SLC4A10: variants seen among roughly 807,000 people sequenced by gnomAD.
The protein encoded by SLC4A10 is sodium-driven chloride bicarbonate exchanger.
In SLC4A10, 42 loss-of-function variants were observed where a neutral mutation model predicts 137.7. That is an observed-to-expected ratio of 0.30 (90% confidence interval 0.24 to 0.39). The LOEUF is 0.39. SLC4A10 is among the 10% of genes least tolerant of loss of function. The pLI is 1.00. For missense variants in SLC4A10, 925 were observed against 1,355.0 expected, an observed-to-expected ratio of 0.68 and a Z score of 4.98; for synonymous variants, 474 against 464.1, an observed-to-expected ratio of 1.02 and a Z score of -0.27.
chr2:161,948,541 A>G (rs756621378), intron 17 of SLC4A10, among the ~76,000 whole-genome samples: 3 of 152,138 alleles, frequency 2.0e-5, no homozygotes, highest in Non-Finnish European at 2.9e-5. Context: ...CTTAAAATAA[A>G]CTAGATCTGG....
chr2:161,977,099 A>G (rs1699506146), intron 25 of SLC4A10, among the ~76,000 whole-genome samples: 1 of 152,058 alleles, frequency 6.6e-6, no homozygotes, highest in Admixed American at 6.6e-5. Context: ...ACAATGCATG[A>G]CATTTTTGGA....
chr2:161,745,923 A>G (rs933575414), intron 1 of SLC4A10, among the ~76,000 whole-genome samples: 1 of 152,090 alleles, frequency 6.6e-6, no homozygotes, highest in Non-Finnish European at 1.5e-5. Flanking sequence ...CTTTCCCACA[A>G]ACAAATGGAG....
At chr2:161,693,098 C>T (rs1221894326) in intron 1 of SLC4A10, among the ~76,000 whole-genome samples, 6 of 151,948 alleles carry the variant, frequency 3.9e-5, no homozygotes, top group East Asian at 1.9e-4. Flanking sequence ...AAGGCAAGTT[C>T]GAGTGTATCA....
chr2:161,660,510 A>T (rs934549075), intron 1 of SLC4A10, among the ~76,000 whole-genome samples: 2 of 152,196 alleles, frequency 1.3e-5, no homozygotes, highest in African/African-American at 4.8e-5. Flanking sequence ...CTTTTGGATG[A>T]AAAGTAAGAA....
Position 161,976,983 on chromosome 2 carries a change from A to G in SLC4A10, c.3344+107A>G, listed in dbSNP as rs1699485014. ...TTTCCATCAAATTTAGATATAAAAT[A>G]TTCCAGAAAATTCTTTCCAAAAGTG... is the stretch of plus-strand genomic sequence containing the variant. On this transcript the variant is annotated intron_variant, in intron 25 of 26. Transcript: ENST00000446997. 24 of 593,904 alleles carry G rather than the reference A, an allele frequency of 4.0e-5. 1 individual carries two copies. The South Asian group carries it at 8.0e-4, about 20-fold the overall frequency. The allele number at this position is 593,904 out of a possible 1,614,324, so 36.8% of individuals were successfully genotyped here. A position where few individuals can be genotyped will look rare whatever the true frequency, so the allele number is the denominator to read the frequency against.
intron 3 of SLC4A10, among the ~76,000 whole-genome samples, chr2:161,835,713 C>T (rs1292439690): frequency 6.6e-6 from 1 of 152,154 alleles, no homozygotes; most frequent in East Asian, 1.9e-4. Context: ...GATAGGATTG[C>T]CCTCAGCTAC....
intron 1 of SLC4A10, among the ~76,000 whole-genome samples, chr2:161,688,561 T>C (rs1487144819): frequency 6.6e-6 from 1 of 152,178 alleles, no homozygotes; most frequent in Non-Finnish European, 1.5e-5. Context: ...TCATAATCAA[T>C]ACTATATTTT....
chr2:161,886,009 G>A (rs755640768), intron 10 of SLC4A10, among the ~76,000 whole-genome samples: 2 of 151,960 alleles, frequency 1.3e-5, no homozygotes, highest in African/African-American at 2.4e-5. Flanking sequence ...TGAGGTGGGC[G>A]GATCACTTGA....
intron 10 of SLC4A10, among the ~76,000 whole-genome samples, chr2:161,885,570 AC>A (rs2062197448): frequency 6.6e-6 from 1 of 152,210 alleles, no homozygotes; most frequent in African/African-American, 2.4e-5. Context: ...TAGACATCAT[AC>A]CAATATTCTA....
intron 2 of SLC4A10, among the ~76,000 whole-genome samples, chr2:161,791,224 C>G (rs976286699): frequency 3.3e-5 from 5 of 152,138 alleles, no homozygotes; most frequent in African/African-American, 9.7e-5. Context: ...CTAAAATGCC[C>G]ATCAGTGATA....
intron 3 of SLC4A10, among the ~76,000 whole-genome samples, chr2:161,817,278 C>A (rs1575108393): frequency 6.6e-6 from 1 of 152,256 alleles, no homozygotes; most frequent in African/African-American, 2.4e-5. Context: ...TAAATGTCTT[C>A]TTTTGAGAAG....
chr2:161,640,657 C>CT (rs2035186356), intron 1 of SLC4A10, among the ~76,000 whole-genome samples: 20 of 62,258 alleles, frequency 3.2e-4, no homozygotes, highest in African/African-American at 1.1e-3. Context: ...TCCTTCCTTC[C>CT]TTCTTTCTTT....
intron 6 of SLC4A10, among the ~76,000 whole-genome samples, chr2:161,869,967 G>A (rs907360029): frequency 4.0e-5 from 6 of 151,308 alleles, no homozygotes; most frequent in African/African-American, 7.3e-5. Context: ...GTCATCTGAT[G>A]TGTCTGCTGC....
chr2:161,827,316 T>G (rs1404889346), intron 3 of SLC4A10, among the ~76,000 whole-genome samples: 2 of 152,168 alleles, frequency 1.3e-5, no homozygotes, highest in African/African-American at 4.8e-5. Context: ...ATCTCAAATC[T>G]CCAACTGCCT....
chr2:161,928,384 AG>A (rs1210122837), intron 15 of SLC4A10, among the ~76,000 whole-genome samples: 1 of 64,074 alleles, frequency 1.6e-5, no homozygotes, highest in Non-Finnish European at 2.7e-5. Flanking sequence ...GGGTGGGGGG[AG>A]GGGGGAGGGA....
chr2:161,817,020 G>A (rs1315495395), intron 3 of SLC4A10, among the ~76,000 whole-genome samples: 2 of 152,154 alleles, frequency 1.3e-5, no homozygotes, highest in East Asian at 1.9e-4. Context: ...GGGTCAAATG[G>A]TATTTCTAGT....
At chr2:161,967,002 T>C (rs1697721802) in intron 23 of SLC4A10, among the ~76,000 whole-genome samples, 1 of 152,154 alleles carries the variant, frequency 6.6e-6, no homozygotes, top group Admixed American at 6.5e-5. Flanking sequence ...ATGAAAAAGC[T>C]CTTGGCTGTG....
intron 15 of SLC4A10, among the ~76,000 whole-genome samples, chr2:161,938,157 G>A (rs1352199272): frequency 6.6e-6 from 1 of 152,116 alleles, no homozygotes; most frequent in African/African-American, 2.4e-5. Context: ...TGCAGTCCTA[G>A]CTATTCGGGA....
intron 1 of SLC4A10, among the ~76,000 whole-genome samples, chr2:161,638,504 A>G (rs1216064002): frequency 6.6e-6 from 1 of 152,118 alleles, no homozygotes; most frequent in African/African-American, 2.4e-5. Flanking sequence ...TTATACCAGC[A>G]CCATGATAGT....
Sources: allele counts gnomAD v4.1 joint callset (sites outside exome capture counted in the v4.1 genomes callset), GRCh38; gene constraint gnomAD v4.1.1; transcripts MANE v1.5; gene names NCBI Gene and HGNC (gene_info 2026-07-23, HGNC 2026-07-21).